Variants in SLC27A6 observed in about 807,000 individuals in gnomAD.
The protein encoded by SLC27A6 is long-chain fatty acid transport protein 6.
SLC27A6 carries 74 observed loss-of-function variants against 63.9 expected under a neutral mutation model. The observed-to-expected ratio is 1.16, with a 90% confidence interval of 0.96 to 1.40. The LOEUF is 1.40. SLC27A6 is among the 40% of genes most tolerant of loss of function. SLC27A6 has a pLI of 0.00. For synonymous variants in SLC27A6, 287 were observed against 260.8 expected (o/e 1.10, Z -0.97); for missense variants, 794 against 732.9 (o/e 1.08, Z -0.96).
At chr5:129,010,576 G>A (rs552504245) in intron 4 of SLC27A6, among the ~76,000 whole-genome samples, 9 of 152,194 alleles carry the variant, frequency 5.9e-5, no homozygotes, top group African/African-American at 1.2e-4. Context: ...GTCATTTGTT[G>A]TTCTCATATA....
At chr5:128,974,046 C>T (rs1750287770) in intron 1 of SLC27A6, among the ~76,000 whole-genome samples, 1 of 152,198 alleles carries the variant, frequency 6.6e-6, no homozygotes, top group Non-Finnish European at 1.5e-5. Flanking sequence ...CAAGGGCCAA[C>T]CAAGAGGGCC....
intron 8 of SLC27A6, 67 bp from the exon 9 acceptor site, chr5:129,029,510 T>C (rs536400410): frequency 4.7e-6 from 5 of 1,053,546 alleles, no homozygotes; most frequent in Non-Finnish European, 5.6e-6. Flanking sequence ...CCAATTAGCA[T>C]GTACAGAATT....
intron 4 of SLC27A6, among the ~76,000 whole-genome samples, chr5:129,007,846 A>G (rs1281444908): frequency 1.3e-5 from 2 of 152,136 alleles, no homozygotes; most frequent in East Asian, 1.9e-4. Flanking sequence ...TTTAAGAACA[A>G]TGTAGCAGTT....
intron 4 of SLC27A6, among the ~76,000 whole-genome samples, chr5:129,015,488 G>A (rs142030362): frequency 2.6e-5 from 4 of 152,256 alleles, no homozygotes; most frequent in African/African-American, 7.2e-5. Flanking sequence ...TCAGAGGTAG[G>A]AGTCAACATC....
chr5:129,016,689 C>G (rs1171768223), intron 5 of SLC27A6, among the ~76,000 whole-genome samples: 2 of 151,976 alleles, frequency 1.3e-5, no homozygotes, highest in African/African-American at 2.4e-5. Flanking sequence ...TATATTGACT[C>G]TTTCCGTATA....
rs372111009 is a variant in SLC27A6, at chr5:129,030,950, C to G, written c.1683+1243C>G. Among the ~76,000 whole-genome samples the G allele has an allele frequency of 2.0e-5, 3 of 152,022 alleles. No homozygotes were observed. The East Asian group carries it at 5.8e-4, about 29-fold the overall frequency. On this transcript the variant is annotated intron_variant, in intron 9 of 9. Coordinates refer to ENST00000262462, the MANE Select transcript of SLC27A6 (RefSeq NM_001017372.3). Reference sequence around the variant, plus strand: ...CCATGTTGTCCTTTTACAACCATAGCGAGCTCCCTCTTGTCCCTCCTCATC... The same window carrying G: ...CCATGTTGTCCTTTTACAACCATAGGGAGCTCCCTCTTGTCCCTCCTCATC...
intron 8 of SLC27A6, among the ~76,000 whole-genome samples, chr5:129,028,870 A>G (rs1399730750): frequency 6.6e-6 from 1 of 152,032 alleles, no homozygotes; most frequent in Non-Finnish European, 1.5e-5. Context: ...ATTTGGACTC[A>G]TTATCCTTAT....
intron 1 of SLC27A6, among the ~76,000 whole-genome samples, chr5:128,967,309 G>T (rs769140974): frequency 1.3e-5 from 2 of 152,130 alleles, no homozygotes; most frequent in Non-Finnish European, 2.9e-5. Context: ...AAAGCCTGGG[G>T]TTTAGTGGCT....
At chr5:128,978,053 C>T (rs550070945) in intron 1 of SLC27A6, among the ~76,000 whole-genome samples, 2 of 152,180 alleles carry the variant, frequency 1.3e-5, no homozygotes, top group Admixed American at 6.5e-5. Flanking sequence ...TTTGGGATGC[C>T]ATTTGATATA....
intron 3 of SLC27A6, 112 bp from the exon 4 acceptor site, chr5:128,990,228 A>C: frequency 9.4e-7 from 1 of 1,066,278 alleles, no homozygotes; most frequent in Non-Finnish European, 1.4e-6. Flanking sequence ...ATGAGTTATT[A>C]AAGTTTTAAA....
At chr5:129,002,996 C>A (rs1751392817) in intron 4 of SLC27A6, among the ~76,000 whole-genome samples, 1 of 152,142 alleles carries the variant, frequency 6.6e-6, no homozygotes, top group Admixed American at 6.5e-5. Flanking sequence ...GCCTTTATTT[C>A]TATGTGCACC....
rs970869412 is a variant in SLC27A6, at chr5:128,997,816, CTGT to C, written c.969+7357_969+7359del. ...ATGACATAGGCTTAATTTCAAGCTCCTGTTGTTTGACTTTCAGTTGCTCACTTC... is the reference window on the plus strand; with the variant it reads ...ATGACATAGGCTTAATTTCAAGCTCCTGTTTGACTTTCAGTTGCTCACTTC... On this transcript the variant is annotated intron_variant, in intron 4 of 9. Transcript: ENST00000262462. 7.9e-5 allele frequency among the ~76,000 whole-genome samples: 12 copies of C among 152,232 alleles called. No individual in the cohort carries two copies. The East Asian group carries it at 1.9e-3, about 24-fold the overall frequency.
chr5:129,022,853 G>A (rs1232467444), intron 5 of SLC27A6, among the ~76,000 whole-genome samples: 2 of 152,030 alleles, frequency 1.3e-5, no homozygotes, highest in East Asian at 1.9e-4. Flanking sequence ...ATAGGAGGAG[G>A]TTGGACTAAA....
chr5:128,993,583 GT>G (rs1328175951), intron 4 of SLC27A6, among the ~76,000 whole-genome samples: 2 of 152,024 alleles, frequency 1.3e-5, no homozygotes, highest in Non-Finnish European at 2.9e-5. Context: ...GGTACATAAT[GT>G]TTTACCTTAT....
chr5:128,967,132 G>A (rs1358316843), intron 1 of SLC27A6, among the ~76,000 whole-genome samples: 1 of 152,130 alleles, frequency 6.6e-6, no homozygotes, highest in Admixed American at 6.5e-5. Flanking sequence ...GCTCCCACCT[G>A]TGAGCCAGAA....
chr5:129,010,413 A>G (rs1751691178), intron 4 of SLC27A6, among the ~76,000 whole-genome samples: 1 of 152,210 alleles, frequency 6.6e-6, no homozygotes, highest in Non-Finnish European at 1.5e-5. Context: ...TGCAGATGTG[A>G]TTACAGTTAC....
intron 1 of SLC27A6, among the ~76,000 whole-genome samples, chr5:128,976,996 T>G (rs1750412439): frequency 6.6e-6 from 1 of 152,200 alleles, no homozygotes; most frequent in Non-Finnish European, 1.5e-5. Flanking sequence ...AAGTGCTTTG[T>G]ACCTTTTGGG....
intron 1 of SLC27A6, among the ~76,000 whole-genome samples, chr5:128,979,009 TATATCACTTAGGTTTGATCA>T (rs1203401823): frequency 1.3e-5 from 2 of 152,122 alleles, no homozygotes; most frequent in Non-Finnish European, 2.9e-5. Flanking sequence ...TGTAGTGGGC[TATATCACTTAGGTTTGATCA>T]ATGATTATCA....
intron 1 of SLC27A6, among the ~76,000 whole-genome samples, chr5:128,983,556 A>C (rs920328299): frequency 2.6e-5 from 4 of 152,060 alleles, no homozygotes; most frequent in African/African-American, 9.7e-5. Context: ...CGGCCTCCCA[A>C]AGTGCTGGAA....
Sources: gnomAD v4.1 joint callset for allele counts (sites outside exome capture counted in the v4.1 genomes callset) on GRCh38, gnomAD v4.1.1 for gene constraint, MANE v1.5 for transcripts, NCBI Gene and HGNC (gene_info 2026-07-23, HGNC 2026-07-21) for gene names.